MCPH1: variants seen among roughly 807,000 people sequenced by gnomAD.
MCPH1 encodes the protein microcephalin 1.
Under a neutral mutation model 84.5 loss-of-function variants are expected in MCPH1, and 104 were observed. The observed-to-expected ratio is 1.23, with a 90% confidence interval of 1.05 to 1.45. The LOEUF (loss-of-function observed/expected upper bound fraction) is 1.45. Ranked by LOEUF, MCPH1 falls within the 40% of genes most tolerant of loss-of-function variation. The probability of loss-of-function intolerance (pLI) is 0.00; values close to 1 mark genes in which losing one functional copy is unlikely to be tolerated. For synonymous variants in MCPH1, 514 were observed against 366.8 expected (o/e 1.40, Z -4.58); for missense variants, 1,498 against 1,005.7 (o/e 1.49, Z -6.62).
At chr8:6,485,838 A>C (rs1255938568) in intron 11 of MCPH1, among the ~76,000 whole-genome samples, 1 of 152,196 alleles carries the variant, frequency 6.6e-6, no homozygotes, top group African/African-American at 2.4e-5. Flanking sequence ...TGTGATTACA[A>C]GGTAAACGCA....
intron 12 of MCPH1, among the ~76,000 whole-genome samples, chr8:6,523,198 C>T (rs1048413433): frequency 6.6e-6 from 1 of 152,034 alleles, no homozygotes; most frequent in African/African-American, 2.4e-5. Context: ...GGGCTTTTAC[C>T]GTGTTAGCCA....
At chr8:6,477,657 C>G in intron 10 of MCPH1, 26 bp downstream of exon 10, 2 of 1,600,928 alleles carry the variant, frequency 1.2e-6, no homozygotes, top group African/African-American at 1.3e-5. Context: ...GATTTCTGTT[C>G]AATGTAAAAT....
chr8:6,480,483 C>A (rs1015062986), intron 10 of MCPH1, among the ~76,000 whole-genome samples: 2 of 152,196 alleles, frequency 1.3e-5, no homozygotes, highest in South Asian at 4.1e-4. Flanking sequence ...AAGCCATTGA[C>A]AGCCTGTGGG....
At chr8:6,525,564 T>C (rs1028955541) in intron 12 of MCPH1, among the ~76,000 whole-genome samples, 1 of 152,202 alleles carries the variant, frequency 6.6e-6, no homozygotes, top group African/African-American at 2.4e-5. Flanking sequence ...ATTGCACTTT[T>C]GGGGAATTAT....
intron 12 of MCPH1, among the ~76,000 whole-genome samples, chr8:6,585,840 A>G (rs1827934118): frequency 6.6e-6 from 1 of 152,138 alleles, no homozygotes; most frequent in African/African-American, 2.4e-5. Flanking sequence ...CTTGGTTTCT[A>G]TTGCACGGAA....
At chr8:6,430,167 A>G (rs147618377) in intron 3 of MCPH1, among the ~76,000 whole-genome samples, 3 of 152,112 alleles carry the variant, frequency 2.0e-5, no homozygotes, top group Admixed American at 6.5e-5. Context: ...TCGTTATGCA[A>G]CCTGTTGCTG....
intron 12 of MCPH1, among the ~76,000 whole-genome samples, chr8:6,530,723 G>T (rs1035702475): frequency 6.6e-6 from 1 of 152,056 alleles, no homozygotes; most frequent in Non-Finnish European, 1.5e-5. Context: ...GAAAGACCTG[G>T]TAGTCAAGTA....
intron 4 of MCPH1, among the ~76,000 whole-genome samples, chr8:6,434,071 A>G (rs961205770): frequency 2.0e-5 from 3 of 152,006 alleles, no homozygotes; most frequent in Admixed American, 6.6e-5. Flanking sequence ...CTATCCTGCC[A>G]CCCGTTTATA....
At chr8:6,585,021 C>G (rs926988797) in intron 12 of MCPH1, among the ~76,000 whole-genome samples, 10 of 152,252 alleles carry the variant, frequency 6.6e-5, no homozygotes, top group Admixed American at 2.6e-4. Flanking sequence ...TGATCCCCAT[C>G]CCAGTGCGAG....
chr8:6,550,782 C>T (rs1823510795), intron 12 of MCPH1, among the ~76,000 whole-genome samples: 1 of 152,186 alleles, frequency 6.6e-6, no homozygotes, highest in Non-Finnish European at 1.5e-5. Context: ...GAGTTTCTTA[C>T]CCATATAGGA....
intron 12 of MCPH1, among the ~76,000 whole-genome samples, chr8:6,576,935 C>T (rs547018854): frequency 3.4e-4 from 52 of 152,044 alleles, no homozygotes; most frequent in African/African-American, 1.2e-3. Context: ...AGCAATGGCG[C>T]CTCCTTTGAA....
At chr8:6,599,110 C>T (rs978105420) in intron 12 of MCPH1, among the ~76,000 whole-genome samples, 7 of 152,200 alleles carry the variant, frequency 4.6e-5, no homozygotes, top group Non-Finnish European at 1.0e-4. Context: ...TGGGAATGTT[C>T]CCTCCAACTC....
intron 12 of MCPH1, among the ~76,000 whole-genome samples, chr8:6,549,649 G>A (rs571607528): frequency 2.1e-4 from 31 of 149,900 alleles, no homozygotes; most frequent in African/African-American, 6.9e-4. Context: ...ACAAAGAGGG[G>A]CGTGAGGGAG....
intron 10 of MCPH1, among the ~76,000 whole-genome samples, chr8:6,479,761 G>A (rs1339566643): frequency 6.6e-6 from 1 of 152,128 alleles, no homozygotes; most frequent in Non-Finnish European, 1.5e-5. Flanking sequence ...TAAAAGGGAA[G>A]AAAGAACTGA....
chr8:6,532,271 C>G, intron 12 of MCPH1: 3 of 1,595,336 alleles, frequency 1.9e-6, no homozygotes, highest in Non-Finnish European at 1.7e-6. Flanking sequence ...AAGCTCCTGA[C>G]GCGACTGAGT....
rs532617393 is a variant in MCPH1 at position 6,479,849 on chromosome 8, G to A, written c.1974-865G>A. ...TTTTAAGTATTAAGGGAATGACAGA[G>A]CAGGAGATAAGCCATAATGGTCATG... On this transcript the variant is annotated intron_variant, in intron 10 of 13. Transcript: ENST00000344683. Among the ~76,000 whole-genome samples the A allele has an allele frequency of 1.5e-4, 23 of 152,286 alleles. No homozygotes were observed. The Middle Eastern group carries it at 0.01, about 68-fold the overall frequency.
chr8:6,415,401 C>T (rs1259077964), intron 3 of MCPH1, among the ~76,000 whole-genome samples: 1 of 151,470 alleles, frequency 6.6e-6, no homozygotes, highest in African/African-American at 2.4e-5. Context: ...GATTCTTATG[C>T]CTCAGCCTCC....
At chr8:6,527,417 C>G (rs1818535524) in intron 12 of MCPH1, 13 of 1,031,746 alleles carry the variant, frequency 1.3e-5, no homozygotes, top group South Asian at 1.8e-5. Context: ...CCTCTCCCTT[C>G]TCCTCCCTCA....
chr8:6,535,026 C>T (rs4841224), intron 12 of MCPH1, among the ~76,000 whole-genome samples: 46,629 of 152,042 alleles, frequency 0.31, 7,243 homozygotes, highest in Middle Eastern at 0.41. Flanking sequence ...AGTTTCATTC[C>T]GGGAGGCTTG....
Sources: allele counts gnomAD v4.1 joint callset (sites outside exome capture counted in the v4.1 genomes callset), GRCh38; gene constraint gnomAD v4.1.1; transcripts MANE v1.5; gene names NCBI Gene and HGNC (gene_info 2026-07-23, HGNC 2026-07-21).